Variants in IL1RAPL2 observed in about 807,000 individuals in gnomAD.
The protein encoded by IL1RAPL2 is interleukin 1 receptor accessory protein like 2.
A neutral mutation model predicts 44.1 loss-of-function variants in IL1RAPL2; 3 were observed. That is an observed-to-expected ratio of 0.07 (90% CI 0.03 to 0.18). The LOEUF (loss-of-function observed/expected upper bound fraction) is 0.18, where lower values mean the gene tolerates loss of function less well. IL1RAPL2 is among the 10% of genes least tolerant of loss of function. The pLI is 1.00. For missense variants in IL1RAPL2, 391 were observed against 496.4 expected (o/e 0.79, Z 2.02); for synonymous variants, 181 against 178.8 (o/e 1.01, Z -0.10).
intron 2 of IL1RAPL2, among the ~76,000 whole-genome samples, chrX:104,867,595 G>A (rs1922653896): frequency 9.0e-6 from 1 of 111,674 alleles, no homozygotes; most frequent in African/African-American, 3.3e-5. Flanking sequence ...TGGAGATATT[G>A]GTAATGCCCA....
intron 2 of IL1RAPL2, among the ~76,000 whole-genome samples, chrX:104,901,100 A>G (rs1923799478): frequency 9.2e-6 from 1 of 108,973 alleles, no homozygotes; most frequent in Non-Finnish European, 1.9e-5. Context: ...TTGTTTGTTC[A>G]TTCAATATTA....
chrX:105,654,482 GTAA>G (rs2037664114), intron 6 of IL1RAPL2, among the ~76,000 whole-genome samples: 1 of 111,665 alleles, frequency 9.0e-6, no homozygotes, highest in South Asian at 3.7e-4. Flanking sequence ...TCAATATTCA[GTAA>G]TAATATGGAT....
At chrX:105,306,114 C>T (rs1178263069) in intron 5 of IL1RAPL2, among the ~76,000 whole-genome samples, 1 of 111,216 alleles carries the variant, frequency 9.0e-6, no homozygotes, top group East Asian at 2.8e-4. Context: ...TGCAGAGGTT[C>T]ACAATTTTAA....
intron 2 of IL1RAPL2, among the ~76,000 whole-genome samples, chrX:105,154,874 A>G (rs1445923480): frequency 9.0e-6 from 1 of 111,513 alleles, no homozygotes; most frequent in African/African-American, 3.3e-5. Flanking sequence ...CCATGAGCTC[A>G]CTTAGCCTAA....
At chrX:105,180,436 T>C (rs924318773) in intron 2 of IL1RAPL2, among the ~76,000 whole-genome samples, 1 of 112,425 alleles carries the variant, frequency 8.9e-6, no homozygotes. Context: ...CTTTCAACTT[T>C]TCCCCATTCA....
chrX:104,625,146 C>A (rs751330336), intron 1 of IL1RAPL2, among the ~76,000 whole-genome samples: 8 of 111,621 alleles, frequency 7.2e-5, no homozygotes, highest in African/African-American at 1.3e-4. Flanking sequence ...TCCCAACTGA[C>A]GTGCAACATC....
intron 5 of IL1RAPL2, among the ~76,000 whole-genome samples, chrX:105,355,691 C>T (rs1448758792): frequency 3.6e-5 from 4 of 111,114 alleles, no homozygotes; most frequent in Admixed American, 9.7e-5. Context: ...ACTACATTTC[C>T]TCTTATACTG....
At chrX:105,412,308 ATATATAT>A (rs2035702654) in intron 5 of IL1RAPL2, among the ~76,000 whole-genome samples, 1 of 274 alleles carries the variant, frequency 3.6e-3, no homozygotes, top group Non-Finnish European at 0.01. Flanking sequence ...AAAATGTAGT[ATATATAT>A]ATATATATAT....
At position 104,910,273 on chromosome X, in the gene IL1RAPL2, A is replaced by C. The variant is rs547255266; in HGVS notation, c.82+251278A>C. The stretch of plus-strand genomic sequence containing the variant: ...CTGTCTGGCACTCTCTTGTGAGACG[A>C]ACCCGGTGCCTAGGATGGAAATGCA... On this transcript the variant is annotated intron_variant, in intron 2 of 10. Transcript: ENST00000372582. Among the ~76,000 whole-genome samples, 12 of 112,025 alleles carry C rather than the reference A, an allele frequency of 1.1e-4. No homozygotes were observed. The South Asian group carries it at 2.6e-3, about 25-fold the overall frequency.
chrX:105,281,276 A>G (rs2034530138), intron 5 of IL1RAPL2, among the ~76,000 whole-genome samples: 1 of 110,945 alleles, frequency 9.0e-6, no homozygotes, highest in Non-Finnish European at 1.9e-5. Context: ...ACTTTTGGGG[A>G]GTAGGGGTCT....
intron 2 of IL1RAPL2, among the ~76,000 whole-genome samples, chrX:104,833,788 G>A (rs1257376146): frequency 8.9e-6 from 1 of 112,398 alleles, no homozygotes; most frequent in Admixed American, 9.4e-5. Flanking sequence ...CTGAGGATAA[G>A]TGACTATTGG....
chrX:104,822,069 T>G (rs909968070), intron 2 of IL1RAPL2, among the ~76,000 whole-genome samples: 2 of 112,150 alleles, frequency 1.8e-5, no homozygotes, highest in Non-Finnish European at 3.8e-5. Context: ...GTTCATATCC[T>G]TTGCCCAGTT....
intron 2 of IL1RAPL2, among the ~76,000 whole-genome samples, chrX:104,910,199 G>A (rs1040046792): frequency 2.7e-5 from 3 of 112,146 alleles, no homozygotes; most frequent in Non-Finnish European, 5.6e-5. Context: ...GCAATGCCTC[G>A]CCATGCTTCG....
At chrX:105,557,205 C>T (rs144226126) in intron 6 of IL1RAPL2, among the ~76,000 whole-genome samples, 1 of 111,535 alleles carries the variant, frequency 9.0e-6, no homozygotes, top group Non-Finnish European at 1.9e-5. Flanking sequence ...GTTCACAATC[C>T]CCCTCTTTCT....
chrX:104,609,400 G>C lies in IL1RAPL2; in HGVS notation c.-20+42349G>C, dbSNP rs140558310. On this transcript the variant is annotated intron_variant, in intron 1 of 10. Coordinates refer to ENST00000372582, the MANE Select transcript of IL1RAPL2 (RefSeq NM_017416.2). ...ATATCCTGAATTTGAATGTTGGTCT[G>C]TCTTGCTAGGTTGGGAAAGTTCTAG... Among the ~76,000 whole-genome samples the C allele has an allele frequency of 8.7e-3, 976 of 111,957 alleles. 13 individuals carry two copies. The highest frequency in any genetic ancestry group is 0.03 in the African/African-American group (909 of 30,795).
chrX:105,072,235 C>T (rs1377686665), intron 2 of IL1RAPL2, among the ~76,000 whole-genome samples: 1 of 111,813 alleles, frequency 8.9e-6, no homozygotes, highest in African/African-American at 3.3e-5. Context: ...GCTTCCCTTT[C>T]TGCCATGATT....
At chrX:105,516,507 A>G (rs773224161) in intron 6 of IL1RAPL2, among the ~76,000 whole-genome samples, 1 of 112,168 alleles carries the variant, frequency 8.9e-6, no homozygotes, top group Admixed American at 9.5e-5. Context: ...TTAGAAGGTC[A>G]GTGAAAGCAC....
chrX:105,029,472 A>G (rs1303561410), intron 2 of IL1RAPL2, among the ~76,000 whole-genome samples: 4 of 90,860 alleles, frequency 4.4e-5, no homozygotes, highest in Non-Finnish European at 8.4e-5. Flanking sequence ...TCATTCTTCA[A>G]TTCCCACCTA....
At chrX:104,791,867 C>A (rs968616240) in intron 2 of IL1RAPL2, among the ~76,000 whole-genome samples, 70 of 111,023 alleles carry the variant, frequency 6.3e-4, no homozygotes, top group African/African-American at 2.3e-3. Flanking sequence ...TTAAACAGTT[C>A]CTAACTGATT....
Sources: gnomAD v4.1 joint callset for allele counts (sites outside exome capture counted in the v4.1 genomes callset) on GRCh38, gnomAD v4.1.1 for gene constraint, MANE v1.5 for transcripts, NCBI Gene and HGNC (gene_info 2026-07-23, HGNC 2026-07-21) for gene names.